The following GOLGA1 variants were observed in gnomAD, a reference collection of about 807,000 sequenced individuals.
GOLGA1 encodes the protein golgin subfamily A member 1.
Under a neutral mutation model 119.7 loss-of-function variants are expected in GOLGA1, and 63 were observed. That is an observed-to-expected ratio of 0.53 (90% confidence interval 0.43 to 0.65). The LOEUF is 0.65. Among genes scored for constraint, GOLGA1 ranks in the 30% least tolerant of loss-of-function variants. The pLI, the probability that GOLGA1 is intolerant of heterozygous loss-of-function variation, is 0.00. For synonymous variants in GOLGA1, 318 were observed against 333.4 expected (o/e 0.95, Z 0.50); for missense variants, 798 against 912.8 (o/e 0.87, Z 1.62).
intron 1 of GOLGA1, among the ~76,000 whole-genome samples, chr9:124,940,725 A>G (rs1481332799): frequency 1.3e-5 from 2 of 152,150 alleles, no homozygotes; most frequent in African/African-American, 4.8e-5. Flanking sequence ...GACAGCAAGG[A>G]AACTGAGCCC....
intron 22 of GOLGA1, 105 bp from the exon 23 acceptor site, chr9:124,880,715 C>A: frequency 1.4e-6 from 1 of 729,024 alleles, no homozygotes. Context: ...CTGCCCCCCA[C>A]ACATCCTGCC....
At chr9:124,891,142 G>A (rs895160001) in intron 15 of GOLGA1, among the ~76,000 whole-genome samples, 4 of 152,350 alleles carry the variant, frequency 2.6e-5, no homozygotes, top group Non-Finnish European at 4.4e-5. Context: ...GGGCTAGGCT[G>A]ACAAGACAGA....
intron 10 of GOLGA1, among the ~76,000 whole-genome samples, chr9:124,914,603 A>G (rs1198623978): frequency 2.6e-5 from 4 of 152,250 alleles, no homozygotes; most frequent in African/African-American, 4.8e-5. Flanking sequence ...ACAGTGTGGT[A>G]ATAGCGTAAA....
In GOLGA1 at chr9:124,880,584, A is replaced by C; in HGVS notation, c.2250T>G (p.Ala750=). The C allele has an allele frequency of 6.2e-7, 1 of 1,610,938 alleles. No homozygotes were observed. The highest frequency in any genetic ancestry group is 1.1e-5 in the South Asian group (1 of 91,020). ...YKMSWFGSKP[A]PKGSIRPSIS... Reference sequence around the variant, plus strand: ...TAGACGGCCGGATGCTGCCCTTGGGAGCTGGTTTGGACCCAAACCATGACA... The same window carrying C: ...TAGACGGCCGGATGCTGCCCTTGGGCGCTGGTTTGGACCCAAACCATGACA... The change falls in exon 23 of 23, where the codon GCT becomes GCG. Residue 750 remains alanine (A), a synonymous_variant. Coordinates refer to ENST00000373555, the MANE Select transcript of GOLGA1 (RefSeq NM_002077.4).
Position 124,911,924 on chromosome 9 carries a change from GTTC to G in GOLGA1, c.943_945del (p.Glu315del). The G allele has an allele frequency of 1.2e-6, 2 of 1,610,892 alleles. No individual in the cohort carries two copies. The highest frequency in any genetic ancestry group is 1.1e-5 in the South Asian group (1 of 91,016). ...ACCTCTTTCAGGAGTTCTTGCAAGTGTTCTTCTCCTGATAAGTTCTGTTCTAGT... is the reference window on the plus strand; with the variant it reads ...ACCTCTTTCAGGAGTTCTTGCAAGTGTTCTCCTGATAAGTTCTGTTCTAGT... On this transcript the variant is annotated inframe_deletion, in exon 11 of 23. Transcript: ENST00000373555.
At chr9:124,906,961 TATAC>T (rs1370046878) in intron 12 of GOLGA1, among the ~76,000 whole-genome samples, 1 of 152,168 alleles carries the variant, frequency 6.6e-6, no homozygotes, top group Non-Finnish European at 1.5e-5. Flanking sequence ...CCAATTAGCC[TATAC>T]ATTTAATGCA....
At chr9:124,890,567 G>A in intron 15 of GOLGA1, 89 bp from the exon 16 acceptor site, 1 of 963,144 alleles carries the variant, frequency 1.0e-6, no homozygotes, top group Non-Finnish European at 1.7e-6. Context: ...ACAGGGCATG[G>A]CTTTGCAGAG....
Position 124,880,380 on chromosome 9 carries a change from G to T in GOLGA1, c.*150C>A. ...CCTGAGGTTCAGGTCAGCCTGCAGG[G>T]AAGTGGGCCTTAGTCTTGTAAACAA... On this transcript the variant is annotated 3_prime_UTR_variant, in exon 23 of 23. Transcript: ENST00000373555. The T allele has an allele frequency of 1.7e-6, 1 of 581,426 alleles. No homozygotes were observed. The allele number at this position is 581,426 out of a possible 1,614,324, so 36.0% of individuals were successfully genotyped here.
At chr9:124,916,399 T>G (rs183417560) in intron 10 of GOLGA1, among the ~76,000 whole-genome samples, 1 of 151,548 alleles carries the variant, frequency 6.6e-6, no homozygotes, top group East Asian at 1.9e-4. Context: ...AAATAGAAAA[T>G]GCATAAATAC....
intron 7 of GOLGA1, among the ~76,000 whole-genome samples, chr9:124,923,952 T>C (rs1338579348): frequency 6.6e-6 from 1 of 152,096 alleles, no homozygotes; most frequent in Non-Finnish European, 1.5e-5. Context: ...GCCTCCCAGG[T>C]TGAAGTGATT....
chr9:124,921,344 A>G (rs1588087769), intron 9 of GOLGA1, 104 bp from the exon 10 acceptor site: 2 of 740,834 alleles, frequency 2.7e-6, no homozygotes, highest in East Asian at 4.9e-5. Flanking sequence ...CAGGGCTACA[A>G]GCATCATTAG....
intron 16 of GOLGA1, 83 bp downstream of exon 16, chr9:124,890,306 C>T (rs558504024): frequency 7.4e-6 from 7 of 949,574 alleles, no homozygotes; most frequent in East Asian, 4.8e-5. Context: ...GACAGGCCCT[C>T]TCCAACAGTC....
At chr9:124,894,116 TCA>T (rs1357049200) in intron 15 of GOLGA1, among the ~76,000 whole-genome samples, 1 of 152,210 alleles carries the variant, frequency 6.6e-6, no homozygotes, top group Non-Finnish European at 1.5e-5. Context: ...TGGCAGCATA[TCA>T]CAGAGTTCAC....
rs374945426 is a variant in GOLGA1 at position 124,921,257 on chromosome 9, C to T, written c.732-17G>A. ...ACATGATCTCTTCATCAAAAGAAAG[C>T]AGACAATGAACAAATTTGGATATCT... On this transcript the variant is annotated splice_polypyrimidine_tract_variant and intron_variant, in intron 9 of 22. Coordinates refer to ENST00000373555, the MANE Select transcript of GOLGA1 (RefSeq NM_002077.4). 2 of 1,476,528 alleles carry T rather than the reference C, an allele frequency of 1.4e-6. No individual in the cohort carries two copies. The highest frequency in any genetic ancestry group is 4.5e-5 in the East Asian group (2 of 44,264). The allele number at this position is 1,476,528 out of a possible 1,614,324, so 91.5% of individuals were successfully genotyped here.
chr9:124,889,672 C>CCTTA lies in GOLGA1; in HGVS notation c.1498-137_1498-136insTAAG, dbSNP rs1829813038. On this transcript the variant is annotated intron_variant, in intron 16 of 22. Coordinates refer to ENST00000373555, the MANE Select transcript of GOLGA1 (RefSeq NM_002077.4). ...TCCACGACCCAGAGCAAACCCCCAG[C>CCTTA]TAAGCTCTGCTCCTATGAACATGCA... The CCTTA allele has an allele frequency of 6.2e-5, 44 of 710,790 alleles. No homozygotes were observed. The South Asian group carries it at 6.8e-4, about 11-fold the overall frequency. 44.0% of individuals were successfully genotyped at this position (710,790 alleles called of 1,614,324 possible).
chr9:124,888,224 A>T lies in GOLGA1; in HGVS notation c.1905+29T>A. ...CTGAGGGTGAGGACCTGGTGGAGAC[A>T]GAAACAGCCATGCAAAAGGCATCCT... is the stretch of plus-strand genomic sequence containing the variant. On this transcript the variant is annotated intron_variant, in intron 19 of 22. Coordinates refer to ENST00000373555, the MANE Select transcript of GOLGA1 (RefSeq NM_002077.4). This position sits in a 1 kb window ranked among gnomAD's most constrained non-coding sequence, Gnocchi z 4.4. 6.2e-7 allele frequency: 1 copy of T among 1,610,026 alleles called. No individual in the cohort carries two copies. The highest frequency in any genetic ancestry group is 8.5e-7 in the Non-Finnish European group (1 of 1,176,370).
chr9:124,910,221 G>A (rs1031657971), intron 11 of GOLGA1, among the ~76,000 whole-genome samples: 1 of 151,990 alleles, frequency 6.6e-6, no homozygotes, highest in Non-Finnish European at 1.5e-5. Flanking sequence ...GAGCCACCGC[G>A]CCTGGCCTAA....
At chr9:124,909,252 C>T (rs1437632295) in intron 11 of GOLGA1, among the ~76,000 whole-genome samples, 1 of 150,934 alleles carries the variant, frequency 6.6e-6, no homozygotes, top group Non-Finnish European at 1.5e-5. Flanking sequence ...AGCGGAGTTG[C>T]AGTGAGCAGA....
intron 13 of GOLGA1, 157 bp downstream of exon 13, chr9:124,900,295 C>T: frequency 1.9e-6 from 1 of 516,558 alleles, no homozygotes; most frequent in Non-Finnish European, 3.5e-6. Context: ...CTCCCTCCAC[C>T]CCCTGCTGCT....
Sources: allele counts gnomAD v4.1 joint callset (sites outside exome capture counted in the v4.1 genomes callset), GRCh38; gene constraint gnomAD v4.1.1; non-coding constraint Gnocchi (gnomAD v3.1); transcripts MANE v1.5; gene names NCBI Gene and HGNC (gene_info 2026-07-23, HGNC 2026-07-21).